The following FABP9 variants were observed in gnomAD, a reference collection of about 807,000 sequenced individuals.
The protein encoded by FABP9 is fatty acid-binding protein 9.
FABP9 carries 11 observed loss-of-function variants against 14.7 expected under a neutral mutation model. The ratio of observed to expected loss-of-function variants is 0.75; its 90% CI spans 0.47 to 1.24. The LOEUF is 1.24. Ranked by LOEUF, FABP9 falls within the 50% of genes most tolerant of loss-of-function variation. The pLI, the probability that FABP9 is intolerant of heterozygous loss-of-function variation, is 0.00. For missense variants in FABP9, 171 were observed against 158.2 expected (o/e 1.08, Z -0.44); for synonymous variants, 54 against 50.6 (o/e 1.07, Z -0.29).
chr8:81,458,549 A>G, intron 3 of FABP9, 53 bp downstream of exon 3: 5 of 1,500,420 alleles, frequency 3.3e-6, no homozygotes, highest in Non-Finnish European at 4.6e-6. Context: ...AATAACTTGA[A>G]AGGCATGTAT....
In FABP9 at chr8:81,461,482, A is replaced by T. The variant is rs766377036; in HGVS notation, c.42T>A (p.Ser14Arg). The part of the protein sequence containing the change: ...PFLGTWKLVS[S>R]ENFEDYMKEL... ...CTTTCATGTAATCCTCAAAGTTTTC[A>T]CTGGAGACCAGCTTCCAGGTTCCCA... The change falls in exon 1 of 4, where the codon AGT becomes AGA. Residue 14 changes from serine to arginine, a missense_variant. By Grantham distance (110) the Ser-to-Arg change is moderately radical (BLOSUM62 -1). Coordinates refer to ENST00000379071, the MANE Select transcript of FABP9 (RefSeq NM_001080526.2). The T allele has an allele frequency of 6.2e-7, 1 of 1,613,746 alleles. No individual in the cohort carries two copies. The highest frequency in any genetic ancestry group is 1.1e-5 in the South Asian group (1 of 91,068).
At chr8:81,461,421 A>G in intron 1 of FABP9, 30 bp downstream of exon 1, 1 of 1,499,578 alleles carries the variant, frequency 6.7e-7, no homozygotes. Context: ...ATGCTTTGCC[A>G]ATTTCCAAAT....
chr8:81,460,932 T>C (rs1436617327), intron 1 of FABP9, among the ~76,000 whole-genome samples: 1 of 152,170 alleles, frequency 6.6e-6, no homozygotes, highest in East Asian at 1.9e-4. Flanking sequence ...AGTAAAAATG[T>C]TGTGTTTCTT....
chr8:81,459,456 T>G, intron 1 of FABP9, 119 bp from the exon 2 acceptor site: 1 of 867,364 alleles, frequency 1.2e-6, no homozygotes, highest in Non-Finnish European at 1.7e-6. Flanking sequence ...GTATAGTAAC[T>G]TATTTTATGT....
chr8:81,458,867 C>T lies in FABP9; in HGVS notation c.247-164G>A, dbSNP rs1007425920. ...AAACTAGAAGTCTCAAGAGATTATT[C>T]AATTAGTGCTCTTTCCTAGGCAAAC... On this transcript the variant is annotated intron_variant, in intron 2 of 3. Coordinates refer to ENST00000379071, the MANE Select transcript of FABP9 (RefSeq NM_001080526.2). 5.3e-5 allele frequency among the ~76,000 whole-genome samples: 8 copies of T among 152,256 alleles called. No individual in the cohort carries two copies. In the South Asian group the frequency reaches 1.2e-3, roughly 24 times the overall value.
Position 81,459,213 on chromosome 8 carries a change from C to T in FABP9, c.198G>A (p.Lys66=). The T allele has an allele frequency of 6.3e-7, 1 of 1,593,384 alleles. No individual in the cohort carries two copies. Among genetic ancestry groups the T allele is most frequent in the Non-Finnish European group, 8.5e-7 (1 of 1,172,880 alleles). Residue 66 remains lysine, a synonymous_variant, in exon 2 of 4, where the codon AAG becomes AAA. Coordinates refer to ENST00000379071, the MANE Select transcript of FABP9 (RefSeq NM_001080526.2). ...SSFQDTKISF[K]LGEEFDETTA... ...TAGTTTCATCAAATTCTTCCCCCAG[C>T]TTGAAGGAGATCTTAGTGTCCTGGA...
chr8:81,459,488 G>T (rs986116325), intron 1 of FABP9, 151 bp from the exon 2 acceptor site: 8 of 652,412 alleles, frequency 1.2e-5, no homozygotes, highest in Non-Finnish European at 1.9e-5. Flanking sequence ...TCAGGGCTGA[G>T]CTAGATCCTC....
intron 1 of FABP9, 134 bp downstream of exon 1, chr8:81,461,317 C>G (rs1351347489): frequency 7.2e-6 from 5 of 693,458 alleles, no homozygotes; most frequent in African/African-American, 1.8e-5. Context: ...AAAGTAGAAG[C>G]ATACATTGTG....
chr8:81,461,323 T>A, intron 1 of FABP9, 128 bp downstream of exon 1: 1 of 710,870 alleles, frequency 1.4e-6, no homozygotes, highest in Middle Eastern at 2.7e-4. Context: ...GAAGCATACA[T>A]TGTGTTAGTC....
intron 1 of FABP9, among the ~76,000 whole-genome samples, chr8:81,459,590 C>T (rs1807656431): frequency 6.6e-6 from 1 of 152,130 alleles, no homozygotes; most frequent in African/African-American, 2.4e-5. Context: ...TTGTATGGTG[C>T]CTTTCAAGAG....
rs756956481 is a variant in FABP9 at position 81,461,575 on chromosome 8, T to C, written c.-52A>G. On this transcript the variant is annotated 5_prime_UTR_variant, in exon 1 of 4. Transcript: ENST00000379071. ...CTCGTAATTGAAAACCAAAGAAATA[T>C]AGGCATTACGGTGCTGCCAGTAGTT... 11 of 1,371,014 alleles carry C rather than the reference T, an allele frequency of 8.0e-6. No homozygotes were observed. The highest frequency in any genetic ancestry group is 1.1e-5 in the Non-Finnish European group (11 of 959,004). 84.9% of individuals were successfully genotyped at this position (1,371,014 alleles called of 1,614,324 possible).
In FABP9 at chr8:81,459,308, C is replaced by T; in HGVS notation, c.103G>A (p.Gly35Arg). The T allele has an allele frequency of 6.5e-7, 1 of 1,549,858 alleles. No individual in the cohort carries two copies. Among genetic ancestry groups the T allele is most frequent in the South Asian group, 1.3e-5 (1 of 78,828 alleles). ...ATAGTTACTGTCGGTTTCACTAACC[C>T]TGCCATGTTCCGGGCTGCGAAATTC... ...GVNFAARNMA[G>R]LVKPTVTISV... Residue 35 changes from glycine (G) to arginine (R), a missense_variant, in exon 2 of 4, where the codon GGG becomes AGG. Physicochemically the swap from Gly to Arg is moderately radical, Grantham distance 125 (BLOSUM62 -2). Transcript: ENST00000379071.
rs1387952065 is a variant in FABP9, at chr8:81,458,628, T to C, written c.322A>G (p.Lys108Glu). 1 of 1,613,550 alleles carries C rather than the reference T, an allele frequency of 6.2e-7. No individual in the cohort carries two copies. The highest frequency in any genetic ancestry group is 8.5e-7 in the Non-Finnish European group (1 of 1,179,710). Residue 108 changes from lysine to glutamate, a missense_variant, in exon 3 of 4, where the codon AAA (lysine) becomes GAA (glutamate). By Grantham distance (56) the Lys-to-Glu change is moderately conservative. Coordinates refer to ENST00000379071, the MANE Select transcript of FABP9 (RefSeq NM_001080526.2). ...WLGKETTIKRKIVDEKMVVEC... is the reference protein window; with the variant it reads ...WLGKETTIKREIVDEKMVVEC... ...ACTACCATTTTTTCATCCACAATTT[T>C]TCTTTTGATTGTTGTCTCTTTGCCA...
chr8:81,461,404 T>G (rs374352250), intron 1 of FABP9, 47 bp downstream of exon 1: 37 of 1,294,340 alleles, frequency 2.9e-5, no homozygotes, highest in Non-Finnish European at 3.9e-5. Context: ...CCCAATCACA[T>G]CACAAAATGC....
rs1036407029 is a variant in FABP9, at chr8:81,458,766, A to G, written c.247-63T>C. On this transcript the variant is annotated intron_variant, in intron 2 of 3. Coordinates refer to ENST00000379071, the MANE Select transcript of FABP9 (RefSeq NM_001080526.2). ...TACCTTCTAACCTACATGAGACCAC[A>G]TATCTACTTTTTAATTTCTATTTTG... is the stretch of plus-strand genomic sequence containing the variant. 6 of 1,066,922 alleles carry G rather than the reference A, an allele frequency of 5.6e-6. No individual in the cohort carries two copies. The South Asian group carries it at 6.9e-5, about 12-fold the overall frequency. The allele number at this position is 1,066,922 out of a possible 1,614,324, so 66.1% of individuals were successfully genotyped here.
At position 81,458,437 on chromosome 8, in the gene FABP9, A is replaced by G. The variant is rs6988423; in HGVS notation, c.349-4T>C. Reference sequence around the variant, plus strand: ...CAATATTATTCATTTTACATTCCTAAAAGCAAAGAGGAATCTATTAGAGCT... The same window carrying G: ...CAATATTATTCATTTTACATTCCTAGAAGCAAAGAGGAATCTATTAGAGCT... On this transcript the variant is annotated splice_region_variant and splice_polypyrimidine_tract_variant and intron_variant, in intron 3 of 3. Coordinates refer to ENST00000379071, the MANE Select transcript of FABP9 (RefSeq NM_001080526.2). 6.6e-3 allele frequency: 10,633 copies of G among 1,609,714 alleles called. 572 individuals carry two copies. In the African/African-American group the frequency reaches 0.12, roughly 18 times the overall value.
Position 81,459,172 on chromosome 8 carries a change from T to C in FABP9, c.239A>G (p.Lys80Arg), listed in dbSNP as rs763716702. ...EFDETTADNR[K>R]VKSTITLENG... ...GGAAGAATTAGTTCTGACCTTTACT[T>C]TCCGGTTGTCTGCTGTAGTTTCATC... The change falls in exon 2 of 4, where the codon AAA becomes AGA. Residue 80 changes from lysine (K) to arginine (R), a missense_variant. Lys to Arg is a conservative substitution (Grantham distance 26). Transcript: ENST00000379071. 4 of 1,589,398 alleles carry C rather than the reference T, an allele frequency of 2.5e-6. No individual in the cohort carries two copies. Among genetic ancestry groups the C allele is most frequent in the Middle Eastern group, 1.7e-4 (1 of 5,994 alleles).
chr8:81,459,761 T>C (rs1807659585), intron 1 of FABP9, among the ~76,000 whole-genome samples: 1 of 152,196 alleles, frequency 6.6e-6, no homozygotes, highest in African/African-American at 2.4e-5. Flanking sequence ...TTCTCTGTCC[T>C]GATATCAAAC....
Position 81,459,206 on chromosome 8 carries a change from C to G in FABP9, c.205G>C (p.Glu69Gln), listed in dbSNP as rs973389054. 1 of 1,590,342 alleles carries G rather than the reference C, an allele frequency of 6.3e-7. No individual in the cohort carries two copies. Among genetic ancestry groups the G allele is most frequent in the Non-Finnish European group, 8.5e-7 (1 of 1,171,884 alleles). Residue 69 changes from glutamate (E) to glutamine (Q), a missense_variant, in exon 2 of 4, where the codon GAA (glutamate) becomes CAA (glutamine). Coordinates refer to ENST00000379071, the MANE Select transcript of FABP9 (RefSeq NM_001080526.2). ...QDTKISFKLG[E>Q]EFDETTADNR... ...TCTGCTGTAGTTTCATCAAATTCTT[C>G]CCCCAGCTTGAAGGAGATCTTAGTG...
Sources: gnomAD v4.1 joint callset for allele counts (sites outside exome capture counted in the v4.1 genomes callset) on GRCh38, gnomAD v4.1.1 for gene constraint, MANE v1.5 for transcripts, NCBI Gene and HGNC (gene_info 2026-07-23, HGNC 2026-07-21) for gene names.